Variants in INVS observed in about 807,000 individuals in gnomAD.
INVS encodes the protein inversin.
Under a neutral mutation model 108.8 loss-of-function variants are expected in INVS, and 86 were observed. That is an observed-to-expected ratio of 0.79 (90% CI 0.66 to 0.95). The LOEUF is 0.95. Ranked by LOEUF, INVS falls within the 40% of genes least tolerant of loss-of-function variation. The pLI is 0.00. For missense variants in INVS, 1,169 were observed against 1,297.4 expected, an observed-to-expected ratio of 0.90 and a Z score of 1.52; for synonymous variants, 455 against 473.5, an observed-to-expected ratio of 0.96 and a Z score of 0.51.
chr9:100,205,032 C>T (rs1231486147), intron 3 of INVS, among the ~76,000 whole-genome samples: 2 of 151,908 alleles, frequency 1.3e-5, no homozygotes, highest in Admixed American at 6.6e-5. Context: ...GACACTGTGA[C>T]AATAGGAAAG....
Position 100,284,922 on chromosome 9 carries a change from C to T in INVS, c.2068+319C>T, listed in dbSNP as rs562832164. ...CTTTTACGTTTCATTGCTTAGGTAT[C>T]GGATGGTGTTATAAATTTTGTTTCA... On this transcript the variant is annotated intron_variant, in intron 13 of 16. Transcript: ENST00000262457. 6.4e-4 allele frequency among the ~76,000 whole-genome samples: 98 copies of T among 152,228 alleles called. 1 individual carries two copies. The highest frequency in any genetic ancestry group is 3.5e-3 in the Admixed American group (54 of 15,286).
chr9:100,229,979 A>C, intron 5 of INVS, 152 bp downstream of exon 5: 1 of 720,848 alleles, frequency 1.4e-6, no homozygotes, highest in East Asian at 2.8e-5. Flanking sequence ...AAGAAGTAGA[A>C]CATTTCAGTA....
At chr9:100,137,764 ATAAT>A (rs1271255473) in intron 3 of INVS, among the ~76,000 whole-genome samples, 3 of 152,250 alleles carry the variant, frequency 2.0e-5, no homozygotes, top group African/African-American at 4.8e-5. Context: ...AACCATATAA[ATAAT>A]CTCTTTTGCA....
At chr9:100,105,878 CT>C (rs1220312197) in intron 2 of INVS, among the ~76,000 whole-genome samples, 1 of 65,732 alleles carries the variant, frequency 1.5e-5, no homozygotes, top group Non-Finnish European at 3.0e-5. Flanking sequence ...TTTTTTTTGC[CT>C]TCTGTTGCAC....
At chr9:100,164,318 A>T (rs1161899443) in intron 3 of INVS, among the ~76,000 whole-genome samples, 1 of 152,152 alleles carries the variant, frequency 6.6e-6, no homozygotes, top group Non-Finnish European at 1.5e-5. Flanking sequence ...TATTAACTCT[A>T]GTCACCGTGT....
intron 3 of INVS, among the ~76,000 whole-genome samples, chr9:100,182,155 A>G (rs1829908675): frequency 6.6e-6 from 1 of 152,240 alleles, no homozygotes; most frequent in South Asian, 2.1e-4. Flanking sequence ...CTAAAACCAT[A>G]AAAACGCTAG....
intron 2 of INVS, among the ~76,000 whole-genome samples, chr9:100,118,140 G>C (rs1827607394): frequency 6.7e-6 from 1 of 149,960 alleles, no homozygotes; most frequent in East Asian, 2.0e-4. Context: ...GGCCTCACGT[G>C]ATCCTCCTGC....
chr9:100,206,129 A>G (rs1830669440), intron 3 of INVS, among the ~76,000 whole-genome samples: 2 of 152,150 alleles, frequency 1.3e-5, no homozygotes, highest in Admixed American at 1.3e-4. Context: ...TCACAACAAG[A>G]ATACTGTGAA....
At chr9:100,154,105 G>A (rs564082504) in intron 3 of INVS, among the ~76,000 whole-genome samples, 3 of 152,218 alleles carry the variant, frequency 2.0e-5, no homozygotes, top group African/African-American at 7.2e-5. Context: ...TGTATACACA[G>A]GGTTATTTAA....
chr9:100,117,919 A>G (rs923421155), intron 2 of INVS, among the ~76,000 whole-genome samples: 2 of 151,994 alleles, frequency 1.3e-5, no homozygotes, highest in African/African-American at 4.8e-5. Flanking sequence ...CCTCTTTTTC[A>G]TGTGAGGATA....
chr9:100,159,728 A>G (rs938324465), intron 3 of INVS, among the ~76,000 whole-genome samples: 2 of 152,224 alleles, frequency 1.3e-5, no homozygotes, highest in Non-Finnish European at 2.9e-5. Context: ...ACTAATAACT[A>G]TGAAATTACC....
At chr9:100,194,473 C>A (rs1830315195) in intron 3 of INVS, among the ~76,000 whole-genome samples, 1 of 151,748 alleles carries the variant, frequency 6.6e-6, no homozygotes, top group African/African-American at 2.4e-5. Context: ...CCTACATAAA[C>A]AATCGTCTTA....
chr9:100,183,360 A>C (rs916927959), intron 3 of INVS, among the ~76,000 whole-genome samples: 3 of 152,246 alleles, frequency 2.0e-5, no homozygotes, highest in African/African-American at 7.2e-5. Flanking sequence ...ACATGCAGAC[A>C]GTAAAATAAT....
intron 3 of INVS, chr9:100,214,857 G>A (rs1054956657): frequency 1.3e-5 from 2 of 152,196 alleles, no homozygotes; most frequent in Non-Finnish European, 2.9e-5. Flanking sequence ...GGATCCAGAG[G>A]ACAAAGAAAG....
At chr9:100,237,790 G>A (rs1488351673) in intron 5 of INVS, among the ~76,000 whole-genome samples, 1 of 152,108 alleles carries the variant, frequency 6.6e-6, no homozygotes, top group Non-Finnish European at 1.5e-5. Context: ...GACCAGAGCT[G>A]TTCCTATTTG....
intron 3 of INVS, among the ~76,000 whole-genome samples, chr9:100,166,524 GA>G (rs1353631983): frequency 1.3e-5 from 2 of 151,894 alleles, no homozygotes; most frequent in Admixed American, 1.3e-4. Flanking sequence ...CCTTGTTTAA[GA>G]AAAAAAAGAA....
Position 100,292,939 on chromosome 9 carries a change from C to T in INVS, c.2682C>T (p.Leu894=), listed in dbSNP as rs1207037769. 1.2e-6 allele frequency: 2 copies of T among 1,613,106 alleles called. No homozygotes were observed. The highest frequency in any genetic ancestry group is 2.7e-5 in the African/African-American group (2 of 74,898). ...GGCAGAGTGTGAATATTGACCTTCT[C>T]CCCGTAGAGCTCCGACTGCAGATAA... ...LSGQSVNIDL[L]PVELRLQIIQ... The change falls in exon 14 of 17, where the codon CTC becomes CTT. Residue 894 remains leucine, a synonymous_variant. Coordinates refer to ENST00000262457, the MANE Select transcript of INVS (RefSeq NM_014425.5).
At chr9:100,159,000 G>T (rs1829089575) in intron 3 of INVS, among the ~76,000 whole-genome samples, 4 of 152,152 alleles carry the variant, frequency 2.6e-5, no homozygotes, top group Admixed American at 2.0e-4. Flanking sequence ...CATCCCCCAT[G>T]ATTAGAAGCT....
At chr9:100,107,681 G>A (rs1827222301) in intron 2 of INVS, among the ~76,000 whole-genome samples, 2 of 152,164 alleles carry the variant, frequency 1.3e-5, no homozygotes, top group East Asian at 3.8e-4. Context: ...CAGTCTCAAT[G>A]AAATCTGTTC....
Sources: gnomAD v4.1 joint callset for allele counts (sites outside exome capture counted in the v4.1 genomes callset) on GRCh38, gnomAD v4.1.1 for gene constraint, MANE v1.5 for transcripts, NCBI Gene and HGNC (gene_info 2026-07-23, HGNC 2026-07-21) for gene names.